Variants in TRPM3 observed in about 807,000 individuals in gnomAD.
TRPM3 encodes the protein transient receptor potential cation channel subfamily M member 3.
TRPM3 carries 77 observed loss-of-function variants against 181.2 expected under a neutral mutation model. That is an observed-to-expected ratio of 0.42 (90% confidence interval 0.35 to 0.51). The LOEUF (loss-of-function observed/expected upper bound fraction) is 0.51. Among genes scored for constraint, TRPM3 ranks in the 20% least tolerant of loss-of-function variants. TRPM3 has a pLI of 0.01. For missense variants in TRPM3, 1,759 were observed against 2,196.7 expected (o/e 0.80, Z 3.98); for synonymous variants, 745 against 796.4 (o/e 0.94, Z 1.09).
intron 1 of TRPM3, among the ~76,000 whole-genome samples, chr9:71,322,496 T>C (rs1229675586): frequency 6.6e-6 from 1 of 152,176 alleles, no homozygotes; most frequent in African/African-American, 2.4e-5. Context: ...CCAGTCATAC[T>C]GCCTCAGGTT....
At position 71,243,042 on chromosome 9, in the gene TRPM3, G is replaced by A. The variant is rs577349069; in HGVS notation, c.183+203611C>T. 3.1e-4 allele frequency among the ~76,000 whole-genome samples: 47 copies of A among 152,142 alleles called. 1 individual carries two copies. The Middle Eastern group carries it at 0.01, about 33-fold the overall frequency. The stretch of plus-strand genomic sequence containing the variant: ...GAGCCAGAGACTTTGCACCTGTTTT[G>A]TGTTTTGTTTTGTTTGTTTCAGAGA... On this transcript the variant is annotated intron_variant, in intron 1 of 24. Transcript: ENST00000357533.
chr9:70,534,164 G>A lies in TRPM3; in HGVS notation c.*1789C>T, dbSNP rs2041269088. 1 of 152,156 alleles carries A rather than the reference G, an allele frequency of 6.6e-6. No homozygotes were observed. Among genetic ancestry groups the A allele is most frequent in the Non-Finnish European group, 1.5e-5 (1 of 68,030 alleles). 9.4% of individuals were successfully genotyped at this position (152,156 alleles called of 1,614,324 possible). A position where few individuals can be genotyped will look rare whatever the true frequency, so the allele number is the denominator to read the frequency against. On this transcript the variant is annotated 3_prime_UTR_variant, in exon 26 of 26. Coordinates refer to ENST00000677713, the MANE Select transcript of TRPM3 (RefSeq NM_001366145.2). Reference sequence around the variant, plus strand: ...AGATTATGCCTCTACTTTAGAGTCTGTAACACTAGCTGGTTTAAAGTTGCG... The same window carrying A: ...AGATTATGCCTCTACTTTAGAGTCTATAACACTAGCTGGTTTAAAGTTGCG...
intron 1 of TRPM3, among the ~76,000 whole-genome samples, chr9:70,952,564 G>A (rs765571042): frequency 2.0e-5 from 3 of 152,164 alleles, no homozygotes; most frequent in Admixed American, 6.6e-5. Flanking sequence ...ATAAAACATG[G>A]TCAGTTTTTG....
intron 1 of TRPM3, among the ~76,000 whole-genome samples, chr9:71,052,292 C>G (rs1357669266): frequency 6.6e-6 from 1 of 152,090 alleles, no homozygotes; most frequent in Non-Finnish European, 1.5e-5. Context: ...TTATTGAATT[C>G]TAGAGCTTGG....
chr9:70,877,577 G>A (rs2095890763), intron 1 of TRPM3, among the ~76,000 whole-genome samples: 1 of 151,938 alleles, frequency 6.6e-6, no homozygotes, highest in Non-Finnish European at 1.5e-5. Context: ...TTTGGGACAT[G>A]AGGGATAAGT....
chr9:70,594,873 G>A (rs1018207251), intron 21 of TRPM3, among the ~76,000 whole-genome samples: 1 of 152,106 alleles, frequency 6.6e-6, no homozygotes, highest in African/African-American at 2.4e-5. Flanking sequence ...GTTCCAGCCT[G>A]GTGGTCCATC....
At chr9:71,172,674 A>G (rs2076926245) in intron 1 of TRPM3, among the ~76,000 whole-genome samples, 1 of 152,048 alleles carries the variant, frequency 6.6e-6, no homozygotes, top group African/African-American at 2.4e-5. Flanking sequence ...ATAATTTTTA[A>G]CTGTGAGGTC....
chr9:70,990,260 G>A (rs1475697180), intron 1 of TRPM3, among the ~76,000 whole-genome samples: 2 of 152,124 alleles, frequency 1.3e-5, no homozygotes, highest in Non-Finnish European at 2.9e-5. Flanking sequence ...GTCTCTACTT[G>A]GAGTGGTAAA....
intron 1 of TRPM3, among the ~76,000 whole-genome samples, chr9:71,112,694 T>C (rs1231753141): frequency 6.6e-6 from 1 of 152,166 alleles, no homozygotes; most frequent in Admixed American, 6.6e-5. Flanking sequence ...GATATGATTC[T>C]CAACTTCAAG....
intron 1 of TRPM3, among the ~76,000 whole-genome samples, chr9:71,245,273 T>C (rs577805455): frequency 6.6e-6 from 1 of 152,066 alleles, no homozygotes; most frequent in Admixed American, 6.6e-5. Flanking sequence ...CGAAACCCCA[T>C]CTCTACTAGA....
intron 1 of TRPM3, among the ~76,000 whole-genome samples, chr9:71,009,867 T>C (rs949095859): frequency 1.3e-5 from 2 of 152,006 alleles, no homozygotes; most frequent in Non-Finnish European, 2.9e-5. Flanking sequence ...CATAGTACTG[T>C]CATAAAAACA....
intron 1 of TRPM3, among the ~76,000 whole-genome samples, chr9:71,358,023 GAAC>G (rs2091978990): frequency 6.6e-6 from 1 of 152,164 alleles, no homozygotes; most frequent in African/African-American, 2.4e-5. Flanking sequence ...AGAAATGAGT[GAAC>G]AATATGGCGA....
At chr9:71,115,347 G>C (rs1266410291) in intron 1 of TRPM3, among the ~76,000 whole-genome samples, 1 of 152,002 alleles carries the variant, frequency 6.6e-6, no homozygotes, top group Non-Finnish European at 1.5e-5. Context: ...CTGACTATTT[G>C]CTTTTCTGAC....
chr9:70,578,599 TGAGCA>T (rs533188842), intron 22 of TRPM3, among the ~76,000 whole-genome samples: 61 of 152,152 alleles, frequency 4.0e-4, no homozygotes, highest in Non-Finnish European at 7.9e-4. Context: ...GAAGACAGAG[TGAGCA>T]GAGCAGAGGG....
intron 1 of TRPM3, among the ~76,000 whole-genome samples, chr9:71,020,426 C>G (rs1208512602): frequency 6.6e-6 from 1 of 151,088 alleles, no homozygotes; most frequent in Non-Finnish European, 1.5e-5. Context: ...TATGCTGAAC[C>G]ATGTCTGTGC....
chr9:70,992,655 C>T (rs1313607659), intron 1 of TRPM3, among the ~76,000 whole-genome samples: 9 of 152,192 alleles, frequency 5.9e-5, no homozygotes, highest in Non-Finnish European at 1.3e-4. Flanking sequence ...AACAGTAGAA[C>T]TGAATTTTTA....
chr9:71,348,336 C>T (rs1049975141), intron 1 of TRPM3, among the ~76,000 whole-genome samples: 6 of 151,994 alleles, frequency 3.9e-5, no homozygotes, highest in African/African-American at 1.4e-4. Context: ...CTCACAGCAG[C>T]ACAATTCAGT....
At chr9:71,327,252 T>C (rs1310265156) in intron 1 of TRPM3, among the ~76,000 whole-genome samples, 7 of 152,244 alleles carry the variant, frequency 4.6e-5, no homozygotes, top group South Asian at 2.1e-4. Flanking sequence ...GGGAGCAAAA[T>C]GTCACTGAAA....
At chr9:71,384,964 T>C (rs2092892829) in intron 1 of TRPM3, among the ~76,000 whole-genome samples, 1 of 152,184 alleles carries the variant, frequency 6.6e-6, no homozygotes, top group Non-Finnish European at 1.5e-5. Flanking sequence ...ACTCTGAAGT[T>C]TATCCCTTCT....
Sources: gnomAD v4.1 joint callset for allele counts (sites outside exome capture counted in the v4.1 genomes callset) on GRCh38, gnomAD v4.1.1 for gene constraint, MANE v1.5 for transcripts, NCBI Gene and HGNC (gene_info 2026-07-23, HGNC 2026-07-21) for gene names.